ATP8B4: variants seen among roughly 807,000 people sequenced by gnomAD.
The protein encoded by ATP8B4 is probable phospholipid-transporting ATPase IM.
ATP8B4 carries 133 observed loss-of-function variants against 145.6 expected under a neutral mutation model. The ratio of observed to expected loss-of-function variants is 0.91; its 90% CI spans 0.79 to 1.05. ATP8B4 has a LOEUF of 1.05. ATP8B4 is among the 50% of genes least tolerant of loss of function. The pLI is 0.00. For synonymous variants in ATP8B4, 507 were observed against 492.9 expected (o/e 1.03, Z -0.38); for missense variants, 1,458 against 1,425.2 (o/e 1.02, Z -0.37).
At chr15:49,909,846 G>T (rs1374053884) in intron 20 of ATP8B4, among the ~76,000 whole-genome samples, 1 of 150,728 alleles carries the variant, frequency 6.6e-6, no homozygotes, top group African/African-American at 2.4e-5. Flanking sequence ...TATTGAGGAA[G>T]TCCTCTCCTA....
intron 10 of ATP8B4, among the ~76,000 whole-genome samples, chr15:49,986,028 C>T (rs1372346977): frequency 2.0e-5 from 3 of 152,172 alleles, no homozygotes; most frequent in East Asian, 3.8e-4. Context: ...CTTTCTGTTA[C>T]ACTTCCTTGG....
intron 2 of ATP8B4, among the ~76,000 whole-genome samples, chr15:50,084,662 G>A (rs530710591): frequency 1.3e-5 from 2 of 152,214 alleles, no homozygotes; most frequent in Admixed American, 6.5e-5. Context: ...TCTGAAAAAG[G>A]TCTTACAGGG....
At chr15:50,098,447 G>C (rs1468920555) in intron 2 of ATP8B4, among the ~76,000 whole-genome samples, 1 of 151,484 alleles carries the variant, frequency 6.6e-6, no homozygotes, top group African/African-American at 2.4e-5. Flanking sequence ...ACCATGCCCA[G>C]CTAATTTTTA....
intron 2 of ATP8B4, among the ~76,000 whole-genome samples, chr15:50,102,132 C>G (rs1407823206): frequency 1.3e-5 from 2 of 151,908 alleles, no homozygotes; most frequent in Non-Finnish European, 2.9e-5. Flanking sequence ...ATGCCTACAT[C>G]AAAAAGTCTG....
At chr15:50,173,268 G>A (rs1489829644) in intron 1 of ATP8B4, among the ~76,000 whole-genome samples, 1 of 152,210 alleles carries the variant, frequency 6.6e-6, no homozygotes, top group East Asian at 1.9e-4. Flanking sequence ...GGAAATGTGG[G>A]GAAAAGAAAG....
rs771493565 is a variant in ATP8B4 at position 49,860,472 on chromosome 15, G to A, written c.3301C>T (p.Arg1101Cys). The change falls in exon 28 of 28, where the codon CGC becomes TGC. Residue 1101 changes from arginine (R) to cysteine (C), a missense_variant. Coordinates refer to ENST00000284509, the MANE Select transcript of ATP8B4 (RefSeq NM_024837.4). Reference sequence around the variant, plus strand: ...TTCTTTTGAGCCTTCTGCCACCGGCGGATCTGGAGAGAAACAGACCCAAAG... The same window carrying A: ...TTCTTTTGAGCCTTCTGCCACCGGCAGATCTGGAGAGAAACAGACCCAAAG... ...DLYPTLSDQIRRWQKAQKKAR... is the reference protein window; with the variant it reads ...DLYPTLSDQICRWQKAQKKAR... 8.1e-6 allele frequency: 13 copies of A among 1,607,552 alleles called. No individual in the cohort carries two copies. The highest frequency in any genetic ancestry group is 6.7e-5 in the East Asian group (3 of 44,822).
At chr15:50,041,051 G>A (rs146432229) in intron 5 of ATP8B4, among the ~76,000 whole-genome samples, 1 of 152,326 alleles carries the variant, frequency 6.6e-6, no homozygotes, top group Non-Finnish European at 1.5e-5. Flanking sequence ...GTAGGGTAAG[G>A]TGGTAGGATA....
chr15:50,179,806 T>C (rs371584156), intron 1 of ATP8B4, among the ~76,000 whole-genome samples: 7 of 152,306 alleles, frequency 4.6e-5, no homozygotes, highest in African/African-American at 1.7e-4. Context: ...GATCTTAGAC[T>C]TGCCTCCAGA....
At chr15:50,057,954 T>G (rs1333805862) in intron 3 of ATP8B4, among the ~76,000 whole-genome samples, 1 of 152,210 alleles carries the variant, frequency 6.6e-6, no homozygotes, top group African/African-American at 2.4e-5. Flanking sequence ...GTAAAATGTT[T>G]ACTTTCTTTT....
chr15:49,866,463 A>G lies in ATP8B4; in HGVS notation c.3049T>C (p.Trp1017Arg), dbSNP rs377055699. The G allele has an allele frequency of 5.3e-5, 85 of 1,613,712 alleles. No homozygotes were observed. The highest frequency in any genetic ancestry group is 1.6e-4 in the Middle Eastern group (1 of 6,080). The change falls in exon 26 of 28, where the codon TGG (tryptophan) becomes CGG (arginine). Residue 1017 changes from tryptophan (W) to arginine (R), a missense_variant. By Grantham distance (101) the Trp-to-Arg change is moderately radical. Transcript: ENST00000284509. The stretch of plus-strand genomic sequence containing the variant: ...ATGAAGACGTGATTAATGAAAGTCC[A>G]GTAACTGGTATCCAAGGCTATCTGT... ...SVQIALDTSY[W>R]TFINHVFIWG...
At chr15:49,978,423 A>G (rs919483956) in intron 12 of ATP8B4, among the ~76,000 whole-genome samples, 4 of 152,184 alleles carry the variant, frequency 2.6e-5, no homozygotes, top group African/African-American at 4.8e-5. Context: ...CACTACTTCA[A>G]GTGAATTTCC....
intron 3 of ATP8B4, among the ~76,000 whole-genome samples, chr15:50,049,439 T>C (rs1367782027): frequency 6.6e-6 from 1 of 152,224 alleles, no homozygotes; most frequent in Non-Finnish European, 1.5e-5. Context: ...CTTCAGATAA[T>C]GGCCTCCAGC....
chr15:49,983,187 C>T (rs1429349250), intron 10 of ATP8B4, among the ~76,000 whole-genome samples: 1 of 152,198 alleles, frequency 6.6e-6, no homozygotes. Context: ...ATCCCCAGCT[C>T]ATGCTGTTCC....
intron 4 of ATP8B4, among the ~76,000 whole-genome samples, 154 bp from the exon 5 acceptor site, chr15:50,044,846 T>G (rs986596634): frequency 1.3e-5 from 2 of 152,242 alleles, no homozygotes; most frequent in Admixed American, 6.5e-5. Context: ...TATTTGGTTA[T>G]AAGACACATA....
At chr15:49,870,254 G>A (rs13329598) in intron 25 of ATP8B4, among the ~76,000 whole-genome samples, 44,829 of 151,946 alleles carry the variant, frequency 0.3, 7,122 homozygotes, top group African/African-American at 0.39. Flanking sequence ...TTACAGAACA[G>A]TATACATAAT....
intron 10 of ATP8B4, among the ~76,000 whole-genome samples, chr15:49,985,654 AAAG>A (rs1387219819): frequency 4.6e-5 from 7 of 152,338 alleles, no homozygotes; most frequent in East Asian, 1.9e-4. Flanking sequence ...CCAAATCACA[AAAG>A]AAGAAGGTGT....
chr15:49,997,555 C>T (rs1341042353), intron 8 of ATP8B4, among the ~76,000 whole-genome samples: 1 of 152,012 alleles, frequency 6.6e-6, no homozygotes, highest in African/African-American at 2.4e-5. Flanking sequence ...TAAATACATA[C>T]CCTAGTCACC....
At chr15:50,152,733 T>C (rs2044363176) in intron 1 of ATP8B4, among the ~76,000 whole-genome samples, 4 of 152,232 alleles carry the variant, frequency 2.6e-5, no homozygotes, top group African/African-American at 4.8e-5. Flanking sequence ...ACCAGAGCGA[T>C]AATCAAAAGA....
chr15:49,939,543 T>C (rs1348912343), intron 14 of ATP8B4, among the ~76,000 whole-genome samples: 3 of 151,996 alleles, frequency 2.0e-5, no homozygotes, highest in African/African-American at 4.8e-5. Context: ...TATCCCAAGA[T>C]TGAAACAAGA....
Sources: gnomAD v4.1 joint callset for allele counts (sites outside exome capture counted in the v4.1 genomes callset) on GRCh38, gnomAD v4.1.1 for gene constraint, MANE v1.5 for transcripts, NCBI Gene and HGNC (gene_info 2026-07-23, HGNC 2026-07-21) for gene names.